GTF2F2: variants seen among roughly 807,000 people sequenced by gnomAD.
GTF2F2 encodes the protein ATP-dependent helicase GTF2F2.
In GTF2F2, 23 loss-of-function variants were observed where a neutral mutation model predicts 42.2. The ratio of observed to expected loss-of-function variants is 0.55; its 90% CI spans 0.39 to 0.77. The LOEUF is 0.77. GTF2F2 is among the 30% of genes least tolerant of loss of function. The probability of loss-of-function intolerance (pLI) is 0.00; values close to 1 mark genes in which losing one functional copy is unlikely to be tolerated. For missense variants in GTF2F2, 261 were observed against 287.2 expected (o/e 0.91, Z 0.66); for synonymous variants, 105 against 100.8 (o/e 1.04, Z -0.25).
chr13:45,178,952 G>A (rs1872017183), intron 4 of GTF2F2, among the ~76,000 whole-genome samples: 1 of 152,144 alleles, frequency 6.6e-6, no homozygotes, highest in Admixed American at 6.5e-5. Flanking sequence ...ATGTGGGTTG[G>A]GGTACCTTTG....
intron 5 of GTF2F2, among the ~76,000 whole-genome samples, chr13:45,231,398 G>A (rs1874675449): frequency 6.6e-6 from 1 of 152,084 alleles, no homozygotes; most frequent in Non-Finnish European, 1.5e-5. Context: ...GAGCCACTGT[G>A]CCGGCCTATT....
intron 4 of GTF2F2, among the ~76,000 whole-genome samples, chr13:45,162,971 T>C (rs551639702): frequency 7.1e-6 from 1 of 139,978 alleles, no homozygotes; most frequent in East Asian, 2.4e-4. Flanking sequence ...ACTGTTGTCC[T>C]GGAGTTGGCG....
chr13:45,171,148 G>T lies in GTF2F2; in HGVS notation c.304+19317G>T, dbSNP rs1461501709. On this transcript the variant is annotated intron_variant, in intron 4 of 7. Coordinates refer to ENST00000340473, the MANE Select transcript of GTF2F2 (RefSeq NM_004128.3). ...ACTGCAGTGCAGTAATTCGATCTTG[G>T]CTCACTGCAACCTCCGCCTCCCAGG... Among the ~76,000 whole-genome samples the T allele has an allele frequency of 2.1e-5, 3 of 144,376 alleles. No individual in the cohort carries two copies. The Admixed American group carries it at 2.1e-4, about 10-fold the overall frequency. The allele number at this position is 144,376 out of a possible 152,430, so 94.7% of individuals were successfully genotyped here. A position where few individuals can be genotyped will look rare whatever the true frequency, so the allele number is the denominator to read the frequency against.
At chr13:45,228,820 G>A (rs753246333) in intron 5 of GTF2F2, among the ~76,000 whole-genome samples, 3 of 151,858 alleles carry the variant, frequency 2.0e-5, no homozygotes, top group East Asian at 1.9e-4. Context: ...ACAGGCATGC[G>A]CCACCACGCC....
At chr13:45,168,626 T>G (rs1430221711) in intron 4 of GTF2F2, among the ~76,000 whole-genome samples, 2 of 152,154 alleles carry the variant, frequency 1.3e-5, no homozygotes, top group Non-Finnish European at 2.9e-5. Flanking sequence ...TTTATTTATT[T>G]TTTTGAGACA....
intron 4 of GTF2F2, among the ~76,000 whole-genome samples, chr13:45,162,408 G>A (rs1871081571): frequency 6.6e-6 from 1 of 152,184 alleles, no homozygotes; most frequent in Non-Finnish European, 1.5e-5. Context: ...AATCATACCA[G>A]CTTCTGACAA....
At chr13:45,207,402 TC>T in intron 4 of GTF2F2, 21 bp from the exon 5 acceptor site, 2 of 1,453,870 alleles carry the variant, frequency 1.4e-6, no homozygotes, top group Non-Finnish European at 1.9e-6. Flanking sequence ...TATCTCTGAA[TC>T]CTTTTTTTTT....
intron 4 of GTF2F2, among the ~76,000 whole-genome samples, chr13:45,167,578 T>G (rs1262165443): frequency 1.3e-5 from 2 of 152,162 alleles, no homozygotes; most frequent in East Asian, 3.9e-4. Context: ...TTTTGTATTT[T>G]TAGTAGAGAT....
At chr13:45,147,698 C>T (rs747539464) in intron 2 of GTF2F2, among the ~76,000 whole-genome samples, 2 of 152,188 alleles carry the variant, frequency 1.3e-5, no homozygotes, top group Non-Finnish European at 2.9e-5. Flanking sequence ...CTACAGTAAA[C>T]AAATCTGCGG....
intron 4 of GTF2F2, among the ~76,000 whole-genome samples, chr13:45,200,598 T>G (rs921679749): frequency 6.6e-6 from 1 of 152,184 alleles, no homozygotes; most frequent in Non-Finnish European, 1.5e-5. Flanking sequence ...GTGGCAAAAT[T>G]CCTGAAGATC....
chr13:45,124,521 C>G (rs1468255539), intron 1 of GTF2F2, among the ~76,000 whole-genome samples: 1 of 151,670 alleles, frequency 6.6e-6, no homozygotes, highest in Admixed American at 6.6e-5. Context: ...CCATGCCCAG[C>G]TAATTTTTGT....
At chr13:45,268,237 G>T (rs1206967778) in intron 7 of GTF2F2, among the ~76,000 whole-genome samples, 1 of 152,010 alleles carries the variant, frequency 6.6e-6, no homozygotes, top group African/African-American at 2.4e-5. Context: ...GTATACTCAA[G>T]AATCTGTTGA....
At chr13:45,149,268 C>T (rs540569260) in intron 2 of GTF2F2, among the ~76,000 whole-genome samples, 4 of 146,194 alleles carry the variant, frequency 2.7e-5, no homozygotes, top group South Asian at 4.3e-4. Context: ...GACCTTGTCT[C>T]TACAAAAAAA....
intron 4 of GTF2F2, among the ~76,000 whole-genome samples, chr13:45,169,818 G>A (rs555922579): frequency 6.6e-6 from 1 of 151,956 alleles, no homozygotes; most frequent in Non-Finnish European, 1.5e-5. Context: ...TTTTTTACAT[G>A]TCTTCAGTAA....
At chr13:45,137,352 A>G (rs1466897284) in intron 2 of GTF2F2, among the ~76,000 whole-genome samples, 1 of 152,216 alleles carries the variant, frequency 6.6e-6, no homozygotes, top group African/African-American at 2.4e-5. Flanking sequence ...CTTTCTATCC[A>G]TTCATTCTTA....
intron 5 of GTF2F2, among the ~76,000 whole-genome samples, chr13:45,239,145 T>C (rs1018911832): frequency 1.3e-5 from 2 of 152,122 alleles, no homozygotes; most frequent in African/African-American, 4.8e-5. Flanking sequence ...TGGGCATCTG[T>C]GTGCTTGCTT....
chr13:45,279,202 A>C (rs17066573), intron 7 of GTF2F2, among the ~76,000 whole-genome samples: 7,180 of 152,234 alleles, frequency 0.047, 548 homozygotes, highest in African/African-American at 0.16. Flanking sequence ...AGTGTCTACC[A>C]TTCCACCTGG....
In GTF2F2 at chr13:45,284,185, T is replaced by C. The variant is rs1445955690; in HGVS notation, c.*624T>C. ...TGCAGGATCATGGTCAGTTGATGTTTCTTTTATTTGCTTTTAAGATAATTA... is the reference window on the plus strand; with the variant it reads ...TGCAGGATCATGGTCAGTTGATGTTCCTTTTATTTGCTTTTAAGATAATTA... On this transcript the variant is annotated 3_prime_UTR_variant, in exon 8 of 8. Transcript: ENST00000340473. 6.6e-6 allele frequency: 1 copy of C among 152,224 alleles called. No individual in the cohort carries two copies. The highest frequency in any genetic ancestry group is 1.5e-5 in the Non-Finnish European group (1 of 68,042). The allele number at this position is 152,224 out of a possible 1,614,324, so 9.4% of individuals were successfully genotyped here.
intron 4 of GTF2F2, among the ~76,000 whole-genome samples, chr13:45,201,050 G>A (rs1873157892): frequency 6.6e-6 from 1 of 152,194 alleles, no homozygotes; most frequent in South Asian, 2.1e-4. Flanking sequence ...ATGAATGAGT[G>A]TAACTTCCTG....
Sources: allele counts gnomAD v4.1 joint callset (sites outside exome capture counted in the v4.1 genomes callset), GRCh38; gene constraint gnomAD v4.1.1; transcripts MANE v1.5; gene names NCBI Gene and HGNC (gene_info 2026-07-23, HGNC 2026-07-21).